Variants in RAB38 observed in about 807,000 individuals in gnomAD.
The protein encoded by RAB38 is ras-related protein Rab-38.
A neutral mutation model predicts 18.4 loss-of-function variants in RAB38; 15 were observed. The ratio of observed to expected loss-of-function variants is 0.82; its 90% CI spans 0.55 to 1.26. RAB38 has a LOEUF of 1.26. Among genes scored for constraint, RAB38 ranks in the 50% most tolerant of loss-of-function variants. The pLI is 0.00. For synonymous variants in RAB38, 101 were observed against 104.4 expected (o/e 0.97, Z 0.20); for missense variants, 294 against 267.4 (o/e 1.10, Z -0.69).
the RAB38 span, among the ~76,000 whole-genome samples, chr11:88,047,945 C>T: frequency 4.6e-5 from 7 of 152,268 alleles, no homozygotes; most frequent in South Asian, 2.1e-4. Flanking sequence ...TCTATTCTGT[C>T]GTCATTTCAT....
At chr11:87,966,402 A>G in the RAB38 span, among the ~76,000 whole-genome samples, 1 of 152,164 alleles carries the variant, frequency 6.6e-6, no homozygotes, top group Non-Finnish European at 1.5e-5. Context: ...ACTGGGCTCC[A>G]AGGGAAAAGA....
intron 2 of RAB38, among the ~76,000 whole-genome samples, chr11:88,139,256 G>T (rs1406608360): frequency 6.6e-6 from 1 of 152,056 alleles, no homozygotes; most frequent in African/African-American, 2.4e-5. Context: ...CCTAAGAGTG[G>T]GTTCCTAATG....
the RAB38 span, among the ~76,000 whole-genome samples, chr11:87,876,575 GCTT>G: frequency 2.0e-4 from 30 of 151,652 alleles, no homozygotes; most frequent in African/African-American, 7.0e-4. Flanking sequence ...ACTTTAGAAA[GCTT>G]CTAGGACTTT....
At chr11:88,076,779 C>G in the RAB38 span, among the ~76,000 whole-genome samples, 2 of 141,290 alleles carry the variant, frequency 1.4e-5, no homozygotes, top group East Asian at 2.0e-4. Flanking sequence ...GAAACCCCAT[C>G]TCTACTTAAA....
chr11:88,026,477 G>C, the RAB38 span, among the ~76,000 whole-genome samples: 2 of 148,792 alleles, frequency 1.3e-5, no homozygotes, highest in Non-Finnish European at 3.0e-5. Context: ...GCAGGAGAAT[G>C]GTGTGAACCC....
chr11:88,120,794 GTCTCCCCGCTTACGTACCAAAAGT>G (rs1942619033), intron 2 of RAB38, among the ~76,000 whole-genome samples: 1 of 151,850 alleles, frequency 6.6e-6, no homozygotes, highest in South Asian at 2.1e-4. Context: ...TACCTCCTAG[GTCTCCCCGCTTACGTACCAAAAGT>G]TCTCCCTCCC....
At chr11:88,139,364 A>G (rs991622844) in intron 2 of RAB38, among the ~76,000 whole-genome samples, 1 of 152,150 alleles carries the variant, frequency 6.6e-6, no homozygotes, top group African/African-American at 2.4e-5. Flanking sequence ...ATTAAACACC[A>G]AAGAAGCTGC....
the RAB38 span, among the ~76,000 whole-genome samples, chr11:88,045,639 C>T: frequency 6.6e-6 from 1 of 152,242 alleles, no homozygotes; most frequent in Admixed American, 6.5e-5. Context: ...CTTCCCAGAT[C>T]TTCTTGGCTT....
At chr11:87,807,330 C>T in the RAB38 span, among the ~76,000 whole-genome samples, 1 of 152,192 alleles carries the variant, frequency 6.6e-6, no homozygotes, top group Non-Finnish European at 1.5e-5. Context: ...CACAGATGAC[C>T]TAATACAAGG....
At chr11:88,138,810 T>G (rs1392692938) in intron 2 of RAB38, among the ~76,000 whole-genome samples, 20 of 151,032 alleles carry the variant, frequency 1.3e-4, no homozygotes, top group Admixed American at 1.3e-3. Flanking sequence ...TGAGGCGGAG[T>G]CTTGCTCTGT....
chr11:88,174,818 G>C (rs1054779010), intron 1 of RAB38, among the ~76,000 whole-genome samples: 1 of 152,196 alleles, frequency 6.6e-6, no homozygotes, highest in Non-Finnish European at 1.5e-5. Context: ...TGCACGGAAG[G>C]ACGTGCGTGA....
the RAB38 span, among the ~76,000 whole-genome samples, chr11:87,949,928 C>A: frequency 6.6e-6 from 1 of 152,170 alleles, no homozygotes; most frequent in African/African-American, 2.4e-5. Context: ...GAACTGAGTT[C>A]AATTCCTGGA....
intron 1 of RAB38, among the ~76,000 whole-genome samples, chr11:88,159,244 A>AATAAAC: frequency 6.6e-6 from 1 of 150,460 alleles, no homozygotes; most frequent in East Asian, 1.9e-4. Flanking sequence ...TAAAAATAAA[A>AATAAAC]TAAAATACCT....
At chr11:87,832,909 C>A in the RAB38 span, among the ~76,000 whole-genome samples, 1 of 151,964 alleles carries the variant, frequency 6.6e-6, no homozygotes, top group Non-Finnish European at 1.5e-5. Context: ...GGTGGGGGGA[C>A]GGAGGACATT....
At chr11:87,853,708 G>C in the RAB38 span, among the ~76,000 whole-genome samples, 1 of 152,202 alleles carries the variant, frequency 6.6e-6, no homozygotes, top group African/African-American at 2.4e-5. Context: ...GTTCAGAAAA[G>C]TCTTGAATTT....
chr11:88,174,911 T>C (rs538595778), intron 1 of RAB38, among the ~76,000 whole-genome samples: 32 of 152,302 alleles, frequency 2.1e-4, no homozygotes, highest in African/African-American at 7.7e-4. Context: ...CAGACAATCT[T>C]CCTCTGGTTC....
At chr11:88,128,112 C>T (rs1427341515) in intron 2 of RAB38, among the ~76,000 whole-genome samples, 1 of 152,218 alleles carries the variant, frequency 6.6e-6, no homozygotes, top group Admixed American at 6.5e-5. Context: ...TCTTTATACT[C>T]AGGACAGCTT....
the RAB38 span, among the ~76,000 whole-genome samples, chr11:87,877,147 G>A: frequency 1.3e-5 from 2 of 151,446 alleles, no homozygotes; most frequent in Admixed American, 1.3e-4. Context: ...TACCATACGT[G>A]CTGAGGACCT....
the RAB38 span, among the ~76,000 whole-genome samples, chr11:87,805,864 G>C: frequency 9.2e-5 from 14 of 152,112 alleles, no homozygotes; most frequent in African/African-American, 3.4e-4. Context: ...CCTAGAGGTA[G>C]AATTTCTTCT....
Sources: allele counts gnomAD v4.1 joint callset (sites outside exome capture counted in the v4.1 genomes callset), GRCh38; gene constraint gnomAD v4.1.1; transcripts MANE v1.5; gene names NCBI Gene and HGNC (gene_info 2026-07-23, HGNC 2026-07-21).